The following LSAMP variants were observed in gnomAD, a reference collection of about 807,000 sequenced individuals.
LSAMP encodes the protein limbic system-associated membrane protein.
A neutral mutation model predicts 38.6 loss-of-function variants in LSAMP; 7 were observed. That is an observed-to-expected ratio of 0.18 (90% CI 0.10 to 0.34). The LOEUF (loss-of-function observed/expected upper bound fraction) is 0.34. LSAMP is among the 10% of genes least tolerant of loss of function. The pLI, the probability that LSAMP is intolerant of heterozygous loss-of-function variation, is 1.00. For missense variants in LSAMP, 313 were observed against 420.0 expected (o/e 0.75, Z 2.23); for synonymous variants, 154 against 166.8 (o/e 0.92, Z 0.59).
chr3:115,951,823 A>C (rs1282392179), intron 3 of LSAMP, among the ~76,000 whole-genome samples: 1 of 151,880 alleles, frequency 6.6e-6, no homozygotes, highest in Non-Finnish European at 1.5e-5. Flanking sequence ...TGATTGTGTG[A>C]GTCAATACTC....
intron 1 of LSAMP, among the ~76,000 whole-genome samples, chr3:116,296,026 A>G (rs999243286): frequency 6.6e-6 from 1 of 152,336 alleles, no homozygotes; most frequent in South Asian, 2.1e-4. Flanking sequence ...GTGTGCTGGA[A>G]GAGCTGAAAC....
chr3:116,060,124 T>G lies in LSAMP; in HGVS notation c.388+26200A>C, dbSNP rs919805023. Among the ~76,000 whole-genome samples, 5 of 152,156 alleles carry G rather than the reference T, an allele frequency of 3.3e-5. No homozygotes were observed. In the South Asian group the frequency reaches 8.3e-4, roughly 25 times the overall value. On this transcript the variant is annotated intron_variant, in intron 2 of 6. Transcript: ENST00000490035. Reference sequence around the variant, plus strand: ...CTTCCCTTTTGTCTCTTTCCCGCCTTTCTGCTTTCCTAACCTCCCCTTCCT... The same window carrying G: ...CTTCCCTTTTGTCTCTTTCCCGCCTGTCTGCTTTCCTAACCTCCCCTTCCT...
chr3:116,040,962 C>T (rs1032422172), intron 2 of LSAMP, among the ~76,000 whole-genome samples: 15 of 152,130 alleles, frequency 9.9e-5, no homozygotes, highest in Middle Eastern at 3.2e-3. Context: ...CTCACTCTGT[C>T]ACCTAGGCTA....
At chr3:116,170,551 G>A (rs1406551150) in intron 1 of LSAMP, among the ~76,000 whole-genome samples, 2 of 152,106 alleles carry the variant, frequency 1.3e-5, no homozygotes, top group African/African-American at 2.4e-5. Flanking sequence ...TGTTATAAGA[G>A]CTAGCATACC....
At chr3:115,867,347 A>AGGTT (rs1935890120) in intron 3 of LSAMP, among the ~76,000 whole-genome samples, 1 of 152,132 alleles carries the variant, frequency 6.6e-6, no homozygotes, top group Admixed American at 6.6e-5. Flanking sequence ...TTATTGTATC[A>AGGTT]ATAGCTCAAC....
chr3:115,975,539 G>A (rs1383620281), intron 3 of LSAMP, among the ~76,000 whole-genome samples: 1 of 152,118 alleles, frequency 6.6e-6, no homozygotes, highest in African/African-American at 2.4e-5. Flanking sequence ...CAGGCAGCTG[G>A]TTATTCAAGA....
At chr3:115,970,570 T>C (rs1938984141) in intron 3 of LSAMP, among the ~76,000 whole-genome samples, 1 of 152,178 alleles carries the variant, frequency 6.6e-6, no homozygotes, top group South Asian at 2.1e-4. Context: ...GGGCTGTCTA[T>C]CTTGGACATT....
At chr3:115,877,917 A>T (rs1936225558) in intron 3 of LSAMP, among the ~76,000 whole-genome samples, 1 of 152,064 alleles carries the variant, frequency 6.6e-6, no homozygotes, top group African/African-American at 2.4e-5. Flanking sequence ...ACAGCTAAGC[A>T]AGCAAATGAT....
chr3:116,341,824 G>C (rs1347857679), intron 1 of LSAMP, among the ~76,000 whole-genome samples: 1 of 151,938 alleles, frequency 6.6e-6, no homozygotes, highest in East Asian at 1.9e-4. Flanking sequence ...GAAATGTGTT[G>C]AGAAATTGGA....
intron 3 of LSAMP, among the ~76,000 whole-genome samples, chr3:115,974,093 C>G (rs1222017218): frequency 6.6e-6 from 1 of 151,984 alleles, no homozygotes; most frequent in African/African-American, 2.4e-5. Flanking sequence ...TAGTGTAATC[C>G]CAGCACTTTG....
chr3:116,425,473 C>T (rs1028071599), intron 1 of LSAMP, among the ~76,000 whole-genome samples: 4 of 152,182 alleles, frequency 2.6e-5, no homozygotes, highest in African/African-American at 9.7e-5. Context: ...AAATATGGCT[C>T]TGCTAACAAC....
At chr3:116,165,769 T>A (rs1472491700) in intron 1 of LSAMP, among the ~76,000 whole-genome samples, 2 of 152,194 alleles carry the variant, frequency 1.3e-5, no homozygotes, top group Non-Finnish European at 2.9e-5. Context: ...TTGTTCTTAA[T>A]GCTACAAATA....
chr3:116,062,982 GT>G (rs965824484), intron 2 of LSAMP, among the ~76,000 whole-genome samples: 37 of 152,194 alleles, frequency 2.4e-4, no homozygotes, highest in African/African-American at 8.4e-4. Flanking sequence ...CATTCAAGTC[GT>G]GTGAATTATT....
chr3:116,030,735 C>T (rs967208330), intron 2 of LSAMP, among the ~76,000 whole-genome samples: 1 of 151,810 alleles, frequency 6.6e-6, no homozygotes, highest in Non-Finnish European at 1.5e-5. Context: ...GAAATGGCAC[C>T]CTAAGACATT....
chr3:116,051,350 A>G (rs1361456632), intron 2 of LSAMP: 1 of 152,178 alleles, frequency 6.6e-6, no homozygotes, highest in Non-Finnish European at 1.5e-5. Flanking sequence ...TAGTGAGGGA[A>G]AAAAAGAGAA....
At chr3:116,119,332 G>A (rs1254414765) in intron 1 of LSAMP, among the ~76,000 whole-genome samples, 1 of 151,644 alleles carries the variant, frequency 6.6e-6, no homozygotes, top group Non-Finnish European at 1.5e-5. Flanking sequence ...TTACAGAAAT[G>A]GTTGGGATAG....
chr3:116,222,429 ACACATTTTTATATCTACCGATTT>A (rs1321092402), intron 1 of LSAMP, among the ~76,000 whole-genome samples: 12 of 152,224 alleles, frequency 7.9e-5, no homozygotes, highest in African/African-American at 2.6e-4. Flanking sequence ...CAGGGCATGA[ACACATTTTTATATCTACCGATTT>A]AAATGTGAGG....
At chr3:115,933,551 A>G (rs1937615365) in intron 3 of LSAMP, among the ~76,000 whole-genome samples, 1 of 152,224 alleles carries the variant, frequency 6.6e-6, no homozygotes, top group African/African-American at 2.4e-5. Flanking sequence ...GACCCGTAAC[A>G]TGAGCAGGCA....
rs111648586 is a variant in LSAMP at position 115,920,885 on chromosome 3, C to CAT, written c.515-68270_515-68269dup. Among the ~76,000 whole-genome samples, 1,043 of 148,674 alleles carry CAT rather than the reference C, an allele frequency of 7.0e-3. 14 individuals carry two copies. The highest frequency in any genetic ancestry group is 0.022 in the African/African-American group (888 of 40,768). On this transcript the variant is annotated intron_variant, in intron 3 of 6. Coordinates refer to ENST00000490035, the MANE Select transcript of LSAMP (RefSeq NM_002338.5). ...TTTTTGGGTTCTCTGATGTTGGGTG[C>CAT]ATATATATATATATATTAATTGTTA...
Sources: gnomAD v4.1 joint callset for allele counts (sites outside exome capture counted in the v4.1 genomes callset) on GRCh38, gnomAD v4.1.1 for gene constraint, MANE v1.5 for transcripts, NCBI Gene and HGNC (gene_info 2026-07-23, HGNC 2026-07-21) for gene names.